The following CADM2 variants were observed in gnomAD, a reference collection of about 807,000 sequenced individuals.
CADM2 encodes the protein immunoglobulin superfamily member 4D.
A neutral mutation model predicts 49.8 loss-of-function variants in CADM2; 12 were observed. The observed-to-expected ratio is 0.24, with a 90% CI of 0.15 to 0.39. CADM2 has a LOEUF of 0.39. Among genes scored for constraint, CADM2 ranks in the 10% least tolerant of loss-of-function variants. The pLI, the probability that CADM2 is intolerant of heterozygous loss-of-function variation, is 1.00. For missense variants in CADM2, 378 were observed against 492.3 expected (o/e 0.77, Z 2.20); for synonymous variants, 214 against 175.4 (o/e 1.22, Z -1.74).
At chr3:85,570,904 G>T (rs570054751) in intron 1 of CADM2, among the ~76,000 whole-genome samples, 1 of 152,102 alleles carries the variant, frequency 6.6e-6, no homozygotes, top group African/African-American at 2.4e-5. Context: ...AGTAAGAACC[G>T]CTGCTCAGAA....
chr3:85,888,125 T>C (rs1713924702), intron 5 of CADM2, among the ~76,000 whole-genome samples: 1 of 152,214 alleles, frequency 6.6e-6, no homozygotes, highest in Non-Finnish European at 1.5e-5. Flanking sequence ...TAATTAGTTG[T>C]TTACTCAGTT....
chr3:85,064,318 G>A (rs2036444484), intron 1 of CADM2, among the ~76,000 whole-genome samples: 4 of 151,984 alleles, frequency 2.6e-5, no homozygotes, highest in Admixed American at 2.0e-4. Flanking sequence ...TCTAAAACTG[G>A]ACCATTTACA....
chr3:86,014,747 G>T, intron 8 of CADM2: 1 of 1,487,762 alleles, frequency 6.7e-7, no homozygotes, highest in South Asian at 1.4e-5. Context: ...ATACTGACAC[G>T]CTCTCAGCCA....
chr3:85,486,504 C>A (rs1474432907), intron 1 of CADM2, among the ~76,000 whole-genome samples: 1 of 152,096 alleles, frequency 6.6e-6, no homozygotes, highest in East Asian at 1.9e-4. Context: ...AATTTTATTT[C>A]TGCTCTTATT....
At chr3:85,367,955 A>G (rs2032919115) in intron 1 of CADM2, among the ~76,000 whole-genome samples, 1 of 152,108 alleles carries the variant, frequency 6.6e-6, no homozygotes, top group African/African-American at 2.4e-5. Flanking sequence ...AAGTATGGTA[A>G]GAATTGGAAT....
intron 8 of CADM2, among the ~76,000 whole-genome samples, chr3:85,967,441 T>C (rs1410477253): frequency 6.6e-6 from 1 of 151,650 alleles, no homozygotes; most frequent in Non-Finnish European, 1.5e-5. Flanking sequence ...AATATATATG[T>C]CAGTGAATGC....
chr3:85,214,195 G>A (rs1331381796), intron 1 of CADM2, among the ~76,000 whole-genome samples: 1 of 151,706 alleles, frequency 6.6e-6, no homozygotes, highest in East Asian at 2.0e-4. Flanking sequence ...ACCTGTATTT[G>A]TTCCACCTTG....
chr3:85,245,317 C>A (rs887122840), intron 1 of CADM2, among the ~76,000 whole-genome samples: 1 of 151,960 alleles, frequency 6.6e-6, no homozygotes, highest in Non-Finnish European at 1.5e-5. Context: ...TCGAGACCAT[C>A]CTGGCTAACA....
intron 8 of CADM2, among the ~76,000 whole-genome samples, chr3:86,002,113 T>C (rs1192170389): frequency 6.6e-6 from 1 of 152,090 alleles, no homozygotes; most frequent in African/African-American, 2.4e-5. Flanking sequence ...TCCTTCATGA[T>C]GTCAAAGTAG....
At chr3:85,328,713 A>T (rs2044824602) in intron 1 of CADM2, among the ~76,000 whole-genome samples, 1 of 152,206 alleles carries the variant, frequency 6.6e-6, no homozygotes, top group Admixed American at 6.5e-5. Flanking sequence ...ATCAATGATT[A>T]AAATGTTTCA....
chr3:85,700,315 TTA>T (rs1292197603), intron 1 of CADM2, among the ~76,000 whole-genome samples: 1 of 151,984 alleles, frequency 6.6e-6, no homozygotes, highest in East Asian at 1.9e-4. Flanking sequence ...GAGGGGAATA[TTA>T]CACACAAGGG....
At chr3:85,619,818 C>T (rs1326080784) in intron 1 of CADM2, among the ~76,000 whole-genome samples, 2 of 152,148 alleles carry the variant, frequency 1.3e-5, no homozygotes, top group Non-Finnish European at 2.9e-5. Context: ...TCCTTCTTCT[C>T]AATGCATGCC....
At chr3:85,477,184 T>G (rs1331119507) in intron 1 of CADM2, among the ~76,000 whole-genome samples, 2 of 150,834 alleles carry the variant, frequency 1.3e-5, no homozygotes, top group Middle Eastern at 3.2e-3. Context: ...CTGTTTCTTT[T>G]TTCTTAATGA....
intron 1 of CADM2, among the ~76,000 whole-genome samples, chr3:85,589,612 C>T (rs1266395177): frequency 6.6e-6 from 1 of 151,932 alleles, no homozygotes; most frequent in Non-Finnish European, 1.5e-5. Context: ...ACATAGGGAA[C>T]CCAGAGACAA....
At chr3:85,406,282 T>A (rs1387026669) in intron 1 of CADM2, among the ~76,000 whole-genome samples, 1 of 152,140 alleles carries the variant, frequency 6.6e-6, no homozygotes. Flanking sequence ...AGGAATTCGT[T>A]TGAAGAATAC....
chr3:85,715,665 C>T (rs534076644), intron 1 of CADM2, among the ~76,000 whole-genome samples: 15 of 152,198 alleles, frequency 9.9e-5, no homozygotes, highest in African/African-American at 3.6e-4. Flanking sequence ...TGCCCTCCAC[C>T]CGCTGACAGA....
At chr3:85,631,712 A>G (rs2064313732) in intron 1 of CADM2, among the ~76,000 whole-genome samples, 1 of 152,144 alleles carries the variant, frequency 6.6e-6, no homozygotes, top group South Asian at 2.1e-4. Context: ...AGAATCATTT[A>G]AATTTTAGTG....
intron 1 of CADM2, among the ~76,000 whole-genome samples, chr3:85,509,676 G>C (rs1343434027): frequency 6.6e-6 from 1 of 152,058 alleles, no homozygotes; most frequent in African/African-American, 2.4e-5. Flanking sequence ...TTACAGAAAA[G>C]CATTGTGAGA....
rs1315719656 is a variant in CADM2 at position 85,174,367 on chromosome 3, G to A, written c.61+214699G>A. On this transcript the variant is annotated intron_variant, in intron 1 of 9. Transcript: ENST00000383699. ...TTTGTTTTTTAATTTGCTTTTTAGCGAAAAACCCCCAGAAAATTGAGATTC... is the reference window on the plus strand; with the variant it reads ...TTTGTTTTTTAATTTGCTTTTTAGCAAAAAACCCCCAGAAAATTGAGATTC... Among the ~76,000 whole-genome samples, 3 of 151,814 alleles carry A rather than the reference G, an allele frequency of 2.0e-5. No homozygotes were observed. The East Asian group carries it at 5.8e-4, about 29-fold the overall frequency.
Sources: allele counts gnomAD v4.1 joint callset (sites outside exome capture counted in the v4.1 genomes callset), GRCh38; gene constraint gnomAD v4.1.1; transcripts MANE v1.5; gene names NCBI Gene and HGNC (gene_info 2026-07-23, HGNC 2026-07-21).